DCAF16: variants seen among roughly 807,000 people sequenced by gnomAD.
The protein encoded by DCAF16 is DDB1 and CUL4 associated factor 16, also known as DDB1- and CUL4-associated factor 16.
In DCAF16, 10 loss-of-function variants were observed where a neutral mutation model predicts 17.3. The ratio of observed to expected loss-of-function variants is 0.58; its 90% CI spans 0.36 to 0.98. The LOEUF is 0.98. Among genes scored for constraint, DCAF16 ranks in the 50% least tolerant of loss-of-function variants. The pLI, the probability that DCAF16 is intolerant of heterozygous loss-of-function variation, is 0.01. For missense variants in DCAF16, 249 were observed against 247.6 expected, an observed-to-expected ratio of 1.01 and a Z score of -0.04; for synonymous variants, 111 against 92.8, an observed-to-expected ratio of 1.20 and a Z score of -1.12.
chr4:17,808,598 T>G (rs1720538292), intron 1 of DCAF16, among the ~76,000 whole-genome samples: 1 of 150,324 alleles, frequency 6.7e-6, no homozygotes, highest in Non-Finnish European at 1.5e-5. Context: ...GCTTTAACCA[T>G]TAAAACAAAA....
In DCAF16 at chr4:17,802,102, A is replaced by C. The variant is rs1192432249; in HGVS notation, c.*1389T>G. 3 of 27,418 alleles carry C rather than the reference A, an allele frequency of 1.1e-4. No individual in the cohort carries two copies. Among genetic ancestry groups the C allele is most frequent in the African/African-American group, 2.2e-4 (3 of 13,348 alleles). The allele number at this position is 27,418 out of a possible 1,614,324, so 1.7% of individuals were successfully genotyped here. ...GGGCGACAGAGCAAGACTCCGTCTC[A>C]AAAAAAAAAAAAAAAAAAAAATTAG... On this transcript the variant is annotated 3_prime_UTR_variant, in exon 3 of 3. Coordinates refer to ENST00000382247, the MANE Select transcript of DCAF16 (RefSeq NM_017741.4).
chr4:17,804,772 C>G lies in DCAF16; in HGVS notation c.-630-1G>C, dbSNP rs1182398811. The G allele has an allele frequency of 6.0e-6, 1 of 167,682 alleles. No homozygotes were observed. 10.4% of individuals were successfully genotyped at this position (167,682 alleles called of 1,614,324 possible). On this transcript the variant is annotated splice_acceptor_variant, in intron 2 of 2. Transcript: ENST00000382247. LOFTEE classifies it low-confidence loss of function (5UTR_SPLICE). ...TAGCCTTAACCTGTGAATGAGAAGA[C>G]TAGAGACATGATATTAAAGCCTGAA...
At chr4:17,796,449 G>A (rs556917531), downstream of DCAF16, among the ~76,000 whole-genome samples, 3 of 152,280 alleles carry the variant, frequency 2.0e-5, no homozygotes, top group South Asian at 4.1e-4. Context: ...GGTGGCTCAC[G>A]CCTGTAATTC....
At chr4:17,808,078 T>C (rs1560215343) in intron 1 of DCAF16, among the ~76,000 whole-genome samples, 1 of 152,198 alleles carries the variant, frequency 6.6e-6, no homozygotes, top group Non-Finnish European at 1.5e-5. Context: ...TCTTGGTGAT[T>C]TGGTAATGTT....
Position 17,803,600 on chromosome 4 carries a change from C to T in DCAF16, c.542G>A (p.Trp181Ter), listed in dbSNP as rs771780844. ...NSCVSGCCCG[W>*]LTKTVKETTR... Reference sequence around the variant, plus strand: ...TGTTTCCTTAACTGTTTTAGTCAGCCAGCCACAGCAACACCCAGAAACACA... The same window carrying T: ...TGTTTCCTTAACTGTTTTAGTCAGCTAGCCACAGCAACACCCAGAAACACA... The change falls in exon 3 of 3, where the codon TGG becomes TAG. Residue 181 changes from tryptophan (W) to a stop codon, truncating the protein, a stop_gained. Transcript: ENST00000382247. LOFTEE classifies it high-confidence loss of function. 4 of 1,614,192 alleles carry T rather than the reference C, an allele frequency of 2.5e-6. No individual in the cohort carries two copies. The Admixed American group carries it at 6.7e-5, about 27-fold the overall frequency.
At chr4:17,799,172 AGTATCC>A (rs1455393520), downstream of DCAF16, among the ~76,000 whole-genome samples, 1 of 152,160 alleles carries the variant, frequency 6.6e-6, no homozygotes, top group East Asian at 1.9e-4. Context: ...TCCTTGGCTG[AGTATCC>A]GTTGTGGGGG....
Position 17,810,679 on chromosome 4 carries a change from C to A in DCAF16, c.-982G>T, listed in dbSNP as rs1720841622. On this transcript the variant is annotated 5_prime_UTR_variant, in exon 1 of 3. Coordinates refer to ENST00000382247, the MANE Select transcript of DCAF16 (RefSeq NM_017741.4). ...TAGCCTCACGCTCAGCCGCACGACC[C>A]AGCCAGGCCTAACGCCAGCAGCCCT... 6.0e-6 allele frequency: 1 copy of A among 167,020 alleles called. No homozygotes were observed. The highest frequency in any genetic ancestry group is 1.3e-5 in the Non-Finnish European group (1 of 78,176). The allele number at this position is 167,020 out of a possible 1,614,324, so 10.3% of individuals were successfully genotyped here.
chr4:17,797,571 G>A (rs1475120691), downstream of DCAF16, among the ~76,000 whole-genome samples: 2 of 152,196 alleles, frequency 1.3e-5, no homozygotes, highest in African/African-American at 4.8e-5. Flanking sequence ...AGTCTACATG[G>A]AATGCATTGT....
In DCAF16 at chr4:17,800,676, G is replaced by A. The variant is rs1404048021; in HGVS notation, c.*2815C>T. 6.6e-6 allele frequency: 1 copy of A among 152,600 alleles called. No individual in the cohort carries two copies. The highest frequency in any genetic ancestry group is 1.9e-4 in the East Asian group (1 of 5,196). The allele number at this position is 152,600 out of a possible 1,614,324, so 9.5% of individuals were successfully genotyped here. ...TCTGTTCAGCATGTACAAAGCTATT[G>A]GTTTATTCAGCTGCCAAGCTGGGGA... On this transcript the variant is annotated 3_prime_UTR_variant, in exon 3 of 3. Transcript: ENST00000382247.
chr4:17,806,138 A>G (rs1720298953), intron 1 of DCAF16, among the ~76,000 whole-genome samples: 1 of 152,236 alleles, frequency 6.6e-6, no homozygotes. Context: ...GATATCATCC[A>G]ATTTAAAAAA....
At position 17,804,052 on chromosome 4, in the gene DCAF16, C is replaced by G. The variant is rs374317092; in HGVS notation, c.90G>C (p.Gly30=). The G allele has an allele frequency of 1.2e-6, 2 of 1,614,140 alleles. No homozygotes were observed. Among genetic ancestry groups the G allele is most frequent in the South Asian group, 2.2e-5 (2 of 91,082 alleles). The change falls in exon 3 of 3, where the codon GGG becomes GGC. Residue 30 remains glycine (G), a synonymous_variant. Transcript: ENST00000382247. The part of the protein sequence containing the change: ...ENISYLNESS[G]EEWDSSEEED... ...CTTCTTCAGAGGAATCCCACTCTTCCCCAGAACTCTCATTTAGGTAACTAA... is the reference window on the plus strand; with the variant it reads ...CTTCTTCAGAGGAATCCCACTCTTCGCCAGAACTCTCATTTAGGTAACTAA...
At chr4:17,806,526 C>G (rs1333347839) in intron 1 of DCAF16, among the ~76,000 whole-genome samples, 1 of 152,126 alleles carries the variant, frequency 6.6e-6, no homozygotes, top group Non-Finnish European at 1.5e-5. Flanking sequence ...AACCTAGGAA[C>G]TAATCATGAA....
At chr4:17,793,557 TA>T in the DCAF16 span, among the ~76,000 whole-genome samples, 602 of 151,682 alleles carry the variant, frequency 4.0e-3, 11 homozygotes, top group East Asian at 0.063. Context: ...TCTATAACAA[TA>T]AAAAAAAGAA....
downstream of DCAF16, among the ~76,000 whole-genome samples, chr4:17,796,749 C>T (rs1037252638): frequency 4.6e-5 from 7 of 152,122 alleles, no homozygotes; most frequent in African/African-American, 1.4e-4. Flanking sequence ...GCTGTTGAGA[C>T]AGCATTTAAA....
At chr4:17,796,211 C>T (rs1026098612), downstream of DCAF16, among the ~76,000 whole-genome samples, 4 of 152,194 alleles carry the variant, frequency 2.6e-5, no homozygotes, top group Admixed American at 2.0e-4. Flanking sequence ...CTTTATTACT[C>T]CCACCTTCCA....
Position 17,803,595 on chromosome 4 carries a change from T to A in DCAF16, c.547A>T (p.Thr183Ser). 2 of 1,614,224 alleles carry A rather than the reference T, an allele frequency of 1.2e-6. No homozygotes were observed. Residue 183 changes from threonine (T) to serine (S), a missense_variant, in exon 3 of 3, where the codon ACT becomes TCT. Physicochemically the swap from Thr to Ser is moderately conservative, Grantham distance 58. Transcript: ENST00000382247. ...CGAGTTGTTTCCTTAACTGTTTTAG[T>A]CAGCCAGCCACAGCAACACCCAGAA... The part of the protein sequence containing the change: ...CVSGCCCGWL[T>S]KTVKETTRTE...
the DCAF16 span, among the ~76,000 whole-genome samples, chr4:17,794,197 A>G: frequency 1.2e-4 from 18 of 152,306 alleles, no homozygotes; most frequent in African/African-American, 4.3e-4. Flanking sequence ...AATGTGTGGG[A>G]ACAGAAGTGC....
rs1251714266 is a variant in DCAF16 at position 17,803,693 on chromosome 4, T to G, written c.449A>C (p.Lys150Thr). ...TCTACTCAATGTTCGGCTTAGCTGT[T>G]TGGTGGCAAATTGCAGTGCTCCATT... ...TLNGALQFAT[K>T]QLSRTLSRAT... Residue 150 changes from lysine to threonine, a missense_variant, in exon 3 of 3, where the codon AAA (lysine) becomes ACA (threonine). Transcript: ENST00000382247. The G allele has an allele frequency of 6.2e-7, 1 of 1,614,220 alleles. No homozygotes were observed. Among genetic ancestry groups the G allele is most frequent in the Non-Finnish European group, 8.5e-7 (1 of 1,180,044 alleles).
Position 17,810,507 on chromosome 4 carries a change from C to G in DCAF16, c.-810G>C, listed in dbSNP as rs1488434850. 1.3e-5 allele frequency: 2 copies of G among 152,366 alleles called. No individual in the cohort carries two copies. Among genetic ancestry groups the G allele is most frequent in the African/African-American group, 4.8e-5 (2 of 41,482 alleles). 9.4% of individuals were successfully genotyped at this position (152,366 alleles called of 1,614,324 possible). ...GTCTCCCTTCTCAGAGGTGGCCGGG[C>G]CTCCGGAACGCGCTACGAACTTTCC... is the stretch of plus-strand genomic sequence containing the variant. On this transcript the variant is annotated 5_prime_UTR_variant, in exon 1 of 3. Coordinates refer to ENST00000382247, the MANE Select transcript of DCAF16 (RefSeq NM_017741.4).
Sources: allele counts gnomAD v4.1 joint callset (sites outside exome capture counted in the v4.1 genomes callset), GRCh38; gene constraint gnomAD v4.1.1; transcripts MANE v1.5; gene names NCBI Gene and HGNC (gene_info 2026-07-23, HGNC 2026-07-21).